Variants in SOD2 observed in about 807,000 individuals in gnomAD.
SOD2 encodes superoxide dismutase [Mn], mitochondrial.
Under a neutral mutation model 27.0 loss-of-function variants are expected in SOD2, and 11 were observed. That is an observed-to-expected ratio of 0.41 (90% CI 0.26 to 0.67). The LOEUF is 0.67. Ranked by LOEUF, SOD2 falls within the 30% of genes least tolerant of loss-of-function variation. The probability of loss-of-function intolerance (pLI) is 0.34; values close to 1 mark genes in which losing one functional copy is unlikely to be tolerated. For synonymous variants in SOD2, 105 were observed against 103.0 expected (o/e 1.02, Z -0.12); for missense variants, 250 against 274.5 (o/e 0.91, Z 0.63).
chr6:159,676,192 T>C lies in SOD2; in HGVS notation c.*6301A>G, dbSNP rs1779775048. 1.3e-5 allele frequency: 2 copies of C among 152,226 alleles called. No individual in the cohort carries two copies. Among genetic ancestry groups the C allele is most frequent in the South Asian group, 2.1e-4 (1 of 4,832 alleles). The allele number at this position is 152,226 out of a possible 1,614,324, so 9.4% of individuals were successfully genotyped here. ...ACCATTGTGGAAGACAGTGTGGCGATTCCTCAGGGATCTAGAACTAGAAAT... is the reference window on the plus strand; with the variant it reads ...ACCATTGTGGAAGACAGTGTGGCGACTCCTCAGGGATCTAGAACTAGAAAT... On this transcript the variant is annotated 3_prime_UTR_variant, in exon 5 of 5. Transcript: ENST00000538183.
At chr6:159,717,744 G>A (rs527859528) in intron 1 of SOD2, among the ~76,000 whole-genome samples, 3 of 151,872 alleles carry the variant, frequency 2.0e-5, no homozygotes, top group Non-Finnish European at 2.9e-5. Context: ...TCTAGTAACC[G>A]CTATTCTACT....
intron 1 of SOD2, among the ~76,000 whole-genome samples, chr6:159,759,988 G>C (rs1168130720): frequency 6.6e-6 from 1 of 152,218 alleles, no homozygotes; most frequent in African/African-American, 2.4e-5. Context: ...TAGGAGCTGT[G>C]CATAAAGCAG....
chr6:159,692,304 A>G, intron 2 of SOD2: 1 of 819,156 alleles, frequency 1.2e-6, no homozygotes, highest in Non-Finnish European at 1.7e-6. Context: ...TACAACAAGA[A>G]CAATTTCAAT....
Position 159,677,630 on chromosome 6 carries a change from A to G in SOD2, c.*4863T>C, listed in dbSNP as rs1421144015. On this transcript the variant is annotated 3_prime_UTR_variant, in exon 5 of 5. Coordinates refer to ENST00000538183, the MANE Select transcript of SOD2 (RefSeq NM_000636.4). ...TTGGTTAATGTTCTAAGATGTTACAAGAACTTTAAGAGACAGGGTCTCACA... is the reference window on the plus strand; with the variant it reads ...TTGGTTAATGTTCTAAGATGTTACAGGAACTTTAAGAGACAGGGTCTCACA... 6.6e-6 allele frequency: 1 copy of G among 152,176 alleles called. No individual in the cohort carries two copies. The highest frequency in any genetic ancestry group is 1.5e-5 in the Non-Finnish European group (1 of 68,040). The allele number at this position is 152,176 out of a possible 1,614,324, so 9.4% of individuals were successfully genotyped here.
chr6:159,711,917 A>C (rs540631450), intron 1 of SOD2, among the ~76,000 whole-genome samples: 15 of 122,380 alleles, frequency 1.2e-4, no homozygotes, highest in South Asian at 5.8e-4. Context: ...TCTGATCACC[A>C]TAACCACCTC....
rs1779606105 is a variant in SOD2, at chr6:159,669,202, T to G, written c.*13291A>C. The G allele has an allele frequency of 6.6e-6, 1 of 152,204 alleles. No homozygotes were observed. Among genetic ancestry groups the G allele is most frequent in the South Asian group, 2.1e-4 (1 of 4,826 alleles). 9.4% of individuals were successfully genotyped at this position (152,204 alleles called of 1,614,324 possible). ...TCATGCACTGTGGTGGAAAGAACAC[T>G]AAGGCAGGAAGTGGGTTCCAGAACT... On this transcript the variant is annotated 3_prime_UTR_variant, in exon 5 of 5. Coordinates refer to ENST00000538183, the MANE Select transcript of SOD2 (RefSeq NM_000636.4).
chr6:159,673,466 T>C lies in SOD2; in HGVS notation c.*9027A>G, dbSNP rs1211333199. 1 of 152,184 alleles carries C rather than the reference T, an allele frequency of 6.6e-6. No homozygotes were observed. The allele number at this position is 152,184 out of a possible 1,614,324, so 9.4% of individuals were successfully genotyped here. On this transcript the variant is annotated 3_prime_UTR_variant, in exon 5 of 5. Transcript: ENST00000538183. ...ACTCACTCAAAACCACTCAGCTACA[T>C]GGAAACTGAACAACCTGCTCCTGAA...
chr6:159,728,845 C>T (rs1246840168), upstream of SOD2, among the ~76,000 whole-genome samples: 5 of 152,166 alleles, frequency 3.3e-5, no homozygotes, highest in Non-Finnish European at 7.3e-5. Context: ...CTTAAGCAGA[C>T]ACATGGTTTA....
chr6:159,728,720 T>G (rs1188760451), upstream of SOD2, among the ~76,000 whole-genome samples: 1 of 152,250 alleles, frequency 6.6e-6, no homozygotes. Flanking sequence ...AGCATCTGAT[T>G]AGCCAAGTCG....
At chr6:159,729,049 G>T (rs189695057), upstream of SOD2, among the ~76,000 whole-genome samples, 1 of 152,254 alleles carries the variant, frequency 6.6e-6, no homozygotes, top group African/African-American at 2.4e-5. Context: ...TGTATTGTTT[G>T]TCAGAAATAA....
intron 1 of SOD2, chr6:159,720,325 C>G (rs548944186): frequency 2.6e-5 from 4 of 152,204 alleles, no homozygotes; most frequent in Admixed American, 1.3e-4. Context: ...GCTGGGATTA[C>G]AGGCGTAAGC....
exon 1 of SOD2, chr6:159,762,023 G>T: frequency 6.3e-7 from 1 of 1,582,538 alleles, no homozygotes; most frequent in Non-Finnish European, 8.6e-7. Context: ...AGGCCTGTGG[G>T]CTGCGAGGAG....
rs1040928190 is a variant in SOD2 at position 159,711,951 on chromosome 6, T to A, written c.-116+15178A>T. On this transcript the variant is annotated intron_variant, in intron 1 of 2. Coordinates refer to the SOD2 transcript ENST00000401980. ...TCCACAACCACCACTCACATTGCTC[T>A]GATCACCATAACCACCTCCATAACC... 3.8e-3 allele frequency among the ~76,000 whole-genome samples: 423 copies of A among 111,956 alleles called. 5 individuals carry two copies. The highest frequency in any genetic ancestry group is 7.6e-3 in the South Asian group (24 of 3,178). The allele number at this position is 111,956 out of a possible 152,430, so 73.4% of individuals were successfully genotyped here.
chr6:159,696,283 G>A (rs947322930), upstream of SOD2, among the ~76,000 whole-genome samples: 3 of 152,130 alleles, frequency 2.0e-5, no homozygotes, highest in African/African-American at 7.2e-5. Context: ...CAAGGGGAAG[G>A]ACAAAAGTCT....
rs564741623 is a variant in SOD2, at chr6:159,682,612, C to T, written c.550G>A (p.Val184Met). Residue 184 changes from valine (V) to methionine (M), a missense_variant, in exon 5 of 5, where the codon GTG (valine) becomes ATG (methionine). Transcript: ENST00000538183. ...TGAAGGTAGTAAGCGTGCTCCCACACATCAATCCCCAGCAGTGGAATAAGG... is the reference window on the plus strand; with the variant it reads ...TGAAGGTAGTAAGCGTGCTCCCACATATCAATCCCCAGCAGTGGAATAAGG... ...TGLIPLLGID[V>M]WEHAYYLQYK... 3.7e-5 allele frequency: 60 copies of T among 1,613,440 alleles called. No individual in the cohort carries two copies. The South Asian group carries it at 5.8e-4, about 16-fold the overall frequency.
At chr6:159,688,361 C>A in intron 2 of SOD2, 119 bp from the exon 3 acceptor site, 1 of 661,338 alleles carries the variant, frequency 1.5e-6, no homozygotes. Context: ...CTATAACATC[C>A]GTTTGTCCTA....
upstream of SOD2, among the ~76,000 whole-genome samples, chr6:159,695,436 A>C (rs566329749): frequency 1.8e-4 from 27 of 152,288 alleles, no homozygotes; most frequent in African/African-American, 6.5e-4. Context: ...CACTACCATG[A>C]CTGTGAGCAC....
intron 1 of SOD2, among the ~76,000 whole-genome samples, chr6:159,751,376 G>T (rs910520664): frequency 6.6e-6 from 1 of 152,292 alleles, no homozygotes; most frequent in South Asian, 2.1e-4. Context: ...AATTCATATA[G>T]TAAGAAGGTT....
chr6:159,759,883 C>G (rs1409891893), intron 1 of SOD2, among the ~76,000 whole-genome samples: 1 of 152,178 alleles, frequency 6.6e-6, no homozygotes, highest in Non-Finnish European at 1.5e-5. Context: ...CTCTATATCC[C>G]TTGGCTCCAG....
Sources: gnomAD v4.1 joint callset for allele counts (sites outside exome capture counted in the v4.1 genomes callset) on GRCh38, gnomAD v4.1.1 for gene constraint, MANE v1.5 for transcripts, NCBI Gene and HGNC (gene_info 2026-07-23, HGNC 2026-07-21) for gene names.